Variants in CSMD1 observed in about 807,000 individuals in gnomAD.
CSMD1 encodes the protein CUB and Sushi multiple domains 1, also known as CUB and sushi domain-containing protein 1.
A neutral mutation model predicts 417.5 loss-of-function variants in CSMD1; 213 were observed. That is an observed-to-expected ratio of 0.51 (90% CI 0.46 to 0.57). The LOEUF (loss-of-function observed/expected upper bound fraction) is 0.57, where lower values mean the gene tolerates loss of function less well. Among genes scored for constraint, CSMD1 ranks in the 20% least tolerant of loss-of-function variants. The pLI is 0.00. For missense variants in CSMD1, 6,923 were observed against 4,529.7 expected (o/e 1.53, Z -15.17); for synonymous variants, 2,862 against 1,736.8 (o/e 1.65, Z -16.11).
rs183984075 is a variant in CSMD1, at chr8:4,121,539, G to A, written c.416-89440C>T. On this transcript the variant is annotated intron_variant, in intron 3 of 69. Transcript: ENST00000635120. The stretch of plus-strand genomic sequence containing the variant: ...AACCCTGACAGATTTGTTAATAGAA[G>A]TGAAGCAATTGTCTAAAATGTAATC... 2.2e-3 allele frequency among the ~76,000 whole-genome samples: 334 copies of A among 151,082 alleles called. 1 individual carries two copies. The highest frequency in any genetic ancestry group is 3.3e-3 in the Non-Finnish European group (221 of 67,948).
At chr8:3,602,032 C>G (rs1432285496) in intron 8 of CSMD1, among the ~76,000 whole-genome samples, 1 of 152,064 alleles carries the variant, frequency 6.6e-6, no homozygotes, top group African/African-American at 2.4e-5. Context: ...TATGGAGTTT[C>G]AGTTTTGCAG....
intron 7 of CSMD1, among the ~76,000 whole-genome samples, chr8:3,633,638 T>A (rs1796888767): frequency 6.6e-6 from 1 of 152,238 alleles, no homozygotes; most frequent in Non-Finnish European, 1.5e-5. Flanking sequence ...TAAAAAATGT[T>A]AATGACATAT....
chr8:4,385,361 C>A (rs148789626), intron 3 of CSMD1, among the ~76,000 whole-genome samples: 1 of 152,224 alleles, frequency 6.6e-6, no homozygotes, highest in Admixed American at 6.5e-5. Flanking sequence ...CACAAATAAC[C>A]GACGTGGCCC....
rs149563794 is a variant in CSMD1, at chr8:3,874,850, C to A, written c.819-120808G>T. On this transcript the variant is annotated intron_variant, in intron 5 of 69. Coordinates refer to ENST00000635120, the MANE Select transcript of CSMD1 (RefSeq NM_033225.6). Reference sequence around the variant, plus strand: ...GTCAATTTCGGAGGATGAATAAACCCATTAAGAAAACGGCAAAGGGTGGTG... The same window carrying A: ...GTCAATTTCGGAGGATGAATAAACCAATTAAGAAAACGGCAAAGGGTGGTG... 8.0e-4 allele frequency among the ~76,000 whole-genome samples: 122 copies of A among 152,152 alleles called. 1 individual carries two copies. The highest frequency in any genetic ancestry group is 2.5e-3 in the African/African-American group (103 of 41,488).
chr8:3,478,919 G>C (rs1420155558), intron 11 of CSMD1, among the ~76,000 whole-genome samples: 2 of 152,068 alleles, frequency 1.3e-5, no homozygotes, highest in Non-Finnish European at 2.9e-5. Context: ...TCCCCACCCA[G>C]ACACAGCGGT....
intron 5 of CSMD1, among the ~76,000 whole-genome samples, chr8:3,810,824 A>T (rs538081443): frequency 2.0e-5 from 3 of 152,308 alleles, no homozygotes; most frequent in African/African-American, 7.2e-5. Context: ...TTTGTAACAC[A>T]AAATTCAAAG....
At chr8:4,626,091 C>T (rs750109216) in intron 2 of CSMD1, among the ~76,000 whole-genome samples, 12 of 152,106 alleles carry the variant, frequency 7.9e-5, no homozygotes, top group Non-Finnish European at 1.6e-4. Flanking sequence ...TGGAGAAAAA[C>T]TGCCATGAAA....
intron 3 of CSMD1, among the ~76,000 whole-genome samples, chr8:4,114,085 C>T (rs185721881): frequency 5.3e-5 from 8 of 152,270 alleles, no homozygotes; most frequent in African/African-American, 1.9e-4. Context: ...ACAAAACAGC[C>T]TTATGTAGGA....
chr8:3,950,188 G>A (rs1037873495), intron 5 of CSMD1, among the ~76,000 whole-genome samples: 2 of 152,116 alleles, frequency 1.3e-5, no homozygotes, highest in African/African-American at 4.8e-5. Flanking sequence ...GACCCTAGAG[G>A]CCACGATCCA....
At chr8:3,031,971 T>G (rs1341407265) in intron 50 of CSMD1, among the ~76,000 whole-genome samples, 1 of 135,258 alleles carries the variant, frequency 7.4e-6, no homozygotes, top group African/African-American at 2.8e-5. Flanking sequence ...TGTGTATGTG[T>G]GTGTATATAT....
At chr8:3,752,992 G>A (rs1797437212) in intron 6 of CSMD1, among the ~76,000 whole-genome samples, 1 of 152,272 alleles carries the variant, frequency 6.6e-6, no homozygotes, top group African/African-American at 2.4e-5. Context: ...AGATCCCTTT[G>A]CATTCTGACT....
chr8:4,476,779 G>C (rs1039727423), intron 2 of CSMD1, among the ~76,000 whole-genome samples: 2 of 152,142 alleles, frequency 1.3e-5, no homozygotes, highest in Non-Finnish European at 2.9e-5. Flanking sequence ...AGATGGCACA[G>C]AGAGCACCTG....
At chr8:4,647,512 G>A (rs544587105) in intron 1 of CSMD1, among the ~76,000 whole-genome samples, 25 of 150,898 alleles carry the variant, frequency 1.7e-4, no homozygotes, top group Non-Finnish European at 3.1e-4. Context: ...AGGTACGCGT[G>A]TGCCATGGTT....
At chr8:4,649,598 C>A (rs1020727829) in intron 1 of CSMD1, among the ~76,000 whole-genome samples, 7 of 152,164 alleles carry the variant, frequency 4.6e-5, no homozygotes, top group Admixed American at 3.3e-4. Flanking sequence ...AATGTGTCTA[C>A]AAATTCCACT....
intron 2 of CSMD1, among the ~76,000 whole-genome samples, chr8:4,482,315 A>G (rs1801144802): frequency 6.6e-6 from 1 of 152,014 alleles, no homozygotes; most frequent in Non-Finnish European, 1.5e-5. Context: ...CTCTTCATTC[A>G]GCTCCCATTT....
intron 3 of CSMD1, among the ~76,000 whole-genome samples, chr8:4,218,983 G>T (rs935157404): frequency 6.6e-6 from 1 of 152,088 alleles, no homozygotes; most frequent in African/African-American, 2.4e-5. Flanking sequence ...AATACTCCCG[G>T]TGTACAGCAA....
intron 3 of CSMD1, among the ~76,000 whole-genome samples, chr8:4,307,380 G>C (rs996686552): frequency 2.0e-5 from 3 of 152,044 alleles, no homozygotes; most frequent in African/African-American, 7.2e-5. Flanking sequence ...GCACAGCTTG[G>C]CCTCCTGCAC....
chr8:4,428,351 G>C (rs1185124434), intron 2 of CSMD1, among the ~76,000 whole-genome samples: 3 of 152,090 alleles, frequency 2.0e-5, no homozygotes, highest in Non-Finnish European at 2.9e-5. Flanking sequence ...GTACCTACTA[G>C]GGATTAAAAG....
At chr8:3,336,509 C>G (rs1357741509) in intron 23 of CSMD1, among the ~76,000 whole-genome samples, 1 of 152,226 alleles carries the variant, frequency 6.6e-6, no homozygotes, top group African/African-American at 2.4e-5. Flanking sequence ...CCCTGCTTCA[C>G]AGATAAAATC....
Sources: gnomAD v4.1 joint callset for allele counts (sites outside exome capture counted in the v4.1 genomes callset) on GRCh38, gnomAD v4.1.1 for gene constraint, MANE v1.5 for transcripts, NCBI Gene and HGNC (gene_info 2026-07-23, HGNC 2026-07-21) for gene names.